The following NEGR1 variants were observed in gnomAD, a reference collection of about 807,000 sequenced individuals.
NEGR1 encodes IgLON family member 4.
In NEGR1, 10 loss-of-function variants were observed where a neutral mutation model predicts 40.9. That is an observed-to-expected ratio of 0.24 (90% CI 0.15 to 0.42). The LOEUF is 0.42. Ranked by LOEUF, NEGR1 falls within the 10% of genes least tolerant of loss-of-function variation. The probability of loss-of-function intolerance (pLI) is 1.00; values close to 1 mark genes in which losing one functional copy is unlikely to be tolerated. For missense variants in NEGR1, 352 were observed against 438.9 expected (o/e 0.80, Z 1.77); for synonymous variants, 185 against 166.8 (o/e 1.11, Z -0.84).
At chr1:72,275,197 A>G (rs1045896210) in intron 1 of NEGR1, 4 of 605,018 alleles carry the variant, frequency 6.6e-6, no homozygotes, top group Non-Finnish European at 5.9e-6. Context: ...AACAGAAAAT[A>G]CATCTTCACA....
intron 6 of NEGR1, among the ~76,000 whole-genome samples, chr1:71,554,145 GTTTA>G (rs1204318069): frequency 2.0e-5 from 3 of 151,226 alleles, no homozygotes; most frequent in Non-Finnish European, 3.0e-5. Flanking sequence ...ATAAAACTGG[GTTTA>G]TTTCTTTATA....
chr1:71,607,756 C>T (rs978776356), intron 5 of NEGR1, among the ~76,000 whole-genome samples: 5 of 151,992 alleles, frequency 3.3e-5, no homozygotes, highest in African/African-American at 9.7e-5. Flanking sequence ...TGCAGTGGAG[C>T]AATCTCGGCT....
At chr1:71,927,698 G>A (rs1225556956) in intron 2 of NEGR1, among the ~76,000 whole-genome samples, 1 of 151,200 alleles carries the variant, frequency 6.6e-6, no homozygotes, top group African/African-American at 2.4e-5. Flanking sequence ...TGGTAGTCCT[G>A]GCCAGGCGTA....
chr1:71,991,285 A>G (rs531204169), intron 1 of NEGR1, among the ~76,000 whole-genome samples: 17 of 152,184 alleles, frequency 1.1e-4, no homozygotes, highest in Non-Finnish European at 2.9e-5. Flanking sequence ...TCTTAATACT[A>G]TGTAATAGAT....
chr1:71,748,504 G>A (rs1467444331), intron 3 of NEGR1, among the ~76,000 whole-genome samples: 1 of 152,120 alleles, frequency 6.6e-6, no homozygotes, highest in East Asian at 1.9e-4. Context: ...AGGGAGAATA[G>A]TGATGACATA....
At chr1:71,770,405 A>C (rs1349398082) in intron 3 of NEGR1, among the ~76,000 whole-genome samples, 2 of 152,232 alleles carry the variant, frequency 1.3e-5, no homozygotes, top group Non-Finnish European at 2.9e-5. Flanking sequence ...GTTTAGAAGA[A>C]TATCACAGGA....
chr1:72,090,402 A>T, intron 1 of NEGR1, among the ~76,000 whole-genome samples: 1 of 151,272 alleles, frequency 6.6e-6, no homozygotes, highest in East Asian at 1.9e-4. Flanking sequence ...CTATAGAAAT[A>T]AAGACTAAAG....
At chr1:72,187,843 G>T (rs1652667255) in intron 1 of NEGR1, among the ~76,000 whole-genome samples, 1 of 151,376 alleles carries the variant, frequency 6.6e-6, no homozygotes, top group East Asian at 1.9e-4. Context: ...GAGACTTAAA[G>T]AAATTCAGTG....
intron 2 of NEGR1, among the ~76,000 whole-genome samples, chr1:71,810,667 T>A (rs769701131): frequency 1.1e-4 from 16 of 152,094 alleles, no homozygotes; most frequent in Non-Finnish European, 1.8e-4. Flanking sequence ...TGAGGGTGGA[T>A]TTCCCCCTTG....
intron 1 of NEGR1, among the ~76,000 whole-genome samples, chr1:72,075,706 G>C (rs958119713): frequency 2.0e-5 from 3 of 152,138 alleles, no homozygotes; most frequent in African/African-American, 7.2e-5. Flanking sequence ...TTTTGGTTTA[G>C]CCTTAGGAAG....
chr1:71,732,336 C>T (rs1359427000), intron 3 of NEGR1, among the ~76,000 whole-genome samples: 5 of 151,976 alleles, frequency 3.3e-5, no homozygotes, highest in Non-Finnish European at 1.5e-5. Flanking sequence ...AACAAACAAA[C>T]AACAACAAAA....
intron 1 of NEGR1, among the ~76,000 whole-genome samples, chr1:71,958,186 G>T (rs913655564): frequency 3.9e-5 from 6 of 152,144 alleles, no homozygotes; most frequent in Non-Finnish European, 8.8e-5. Flanking sequence ...GACAAAATGA[G>T]AGATGAAATT....
intron 5 of NEGR1, among the ~76,000 whole-genome samples, chr1:71,601,179 T>A (rs1649906314): frequency 6.6e-6 from 1 of 152,232 alleles, no homozygotes; most frequent in Non-Finnish European, 1.5e-5. Context: ...AGAAATATTT[T>A]GTGAAGACAT....
chr1:71,936,459 G>A (rs970403527), intron 1 of NEGR1, among the ~76,000 whole-genome samples: 1 of 152,272 alleles, frequency 6.6e-6, no homozygotes, highest in South Asian at 2.1e-4. Context: ...CACACAGGAT[G>A]CATGAGAGAT....
chr1:71,905,705 G>A (rs1018180538), intron 2 of NEGR1, among the ~76,000 whole-genome samples: 3 of 151,944 alleles, frequency 2.0e-5, no homozygotes, highest in Non-Finnish European at 2.9e-5. Context: ...GCAGAAATAA[G>A]ATACATTTAA....
chr1:71,805,399 C>T (rs528559691), intron 2 of NEGR1, among the ~76,000 whole-genome samples: 13 of 152,138 alleles, frequency 8.5e-5, no homozygotes, highest in Middle Eastern at 3.4e-3. Flanking sequence ...CGGAACCTGC[C>T]GACATGTGAT....
chr1:71,567,647 A>C (rs1326749119), intron 6 of NEGR1, among the ~76,000 whole-genome samples: 1 of 152,138 alleles, frequency 6.6e-6, no homozygotes, highest in Non-Finnish European at 1.5e-5. Context: ...ATTTCATCTT[A>C]TAATTGATTT....
At chr1:71,566,494 A>T (rs921497551) in intron 6 of NEGR1, among the ~76,000 whole-genome samples, 6 of 152,196 alleles carry the variant, frequency 3.9e-5, no homozygotes, top group Non-Finnish European at 8.8e-5. Flanking sequence ...TCATTTATTC[A>T]TAGAAAGACT....
At chr1:71,997,045 G>A (rs1029191457) in intron 1 of NEGR1, among the ~76,000 whole-genome samples, 3 of 151,916 alleles carry the variant, frequency 2.0e-5, no homozygotes, top group Non-Finnish European at 4.4e-5. Context: ...TAATTGCACA[G>A]TATTAATGTC....
Sources: allele counts gnomAD v4.1 joint callset (sites outside exome capture counted in the v4.1 genomes callset), GRCh38; gene constraint gnomAD v4.1.1; transcripts MANE v1.5; gene names NCBI Gene and HGNC (gene_info 2026-07-23, HGNC 2026-07-21).